ZFHX3: variants seen among roughly 807,000 people sequenced by gnomAD.
ZFHX3 encodes the protein zinc finger homeobox 3, also known as zinc finger homeobox protein 3.
ZFHX3 carries 42 observed loss-of-function variants against 279.1 expected under a neutral mutation model. The observed-to-expected ratio is 0.15, with a 90% CI of 0.12 to 0.19. The LOEUF (loss-of-function observed/expected upper bound fraction) is 0.19, where lower values mean the gene tolerates loss of function less well. ZFHX3 is among the 10% of genes least tolerant of loss of function. The pLI, the probability that ZFHX3 is intolerant of heterozygous loss-of-function variation, is 1.00. For synonymous variants in ZFHX3, 2,293 were observed against 1,957.8 expected (o/e 1.17, Z -4.52); for missense variants, 4,981 against 4,754.0 (o/e 1.05, Z -1.40).
intron 4 of ZFHX3, among the ~76,000 whole-genome samples, chr16:72,867,731 A>C (rs2038056541): frequency 6.7e-6 from 1 of 149,894 alleles, no homozygotes; most frequent in African/African-American, 2.4e-5. Context: ...GGGAAAAAAA[A>C]AAAAAGAAGA....
At chr16:72,801,816 T>C (rs1338239915) in intron 7 of ZFHX3, among the ~76,000 whole-genome samples, 3 of 151,940 alleles carry the variant, frequency 2.0e-5, no homozygotes, top group Admixed American at 6.6e-5. Flanking sequence ...ACTAGTGTGG[T>C]TGGGGAGTCC....
At position 73,047,807 on chromosome 16, in the gene ZFHX3, G is replaced by A. The variant is rs1965354063; in HGVS notation, c.-105C>T. 6.6e-6 allele frequency: 1 copy of A among 152,444 alleles called. No individual in the cohort carries two copies. Among genetic ancestry groups the A allele is most frequent in the Non-Finnish European group, 1.5e-5 (1 of 68,246 alleles). The allele number at this position is 152,444 out of a possible 1,614,324, so 9.4% of individuals were successfully genotyped here. A position where few individuals can be genotyped will look rare whatever the true frequency, so the allele number is the denominator to read the frequency against. Reference sequence around the variant, plus strand: ...AGGGAGGCGGCACTTGCAGGTCCGGGGGCCGCGCCGCCATGCGCAACAACG... The same window carrying A: ...AGGGAGGCGGCACTTGCAGGTCCGGAGGCCGCGCCGCCATGCGCAACAACG... On this transcript the variant is annotated 5_prime_UTR_variant, in exon 1 of 10. Transcript: ENST00000268489.
At chr16:72,831,378 G>A (rs144333776) in intron 4 of ZFHX3, among the ~76,000 whole-genome samples, 2,093 of 152,138 alleles carry the variant, frequency 0.014, 18 homozygotes, top group Middle Eastern at 0.031. Context: ...ATACGGTACT[G>A]TTTATTTTCA....
chr16:73,119,526 C>T (rs1597163612), intron 7 of ZFHX3, among the ~76,000 whole-genome samples: 1 of 152,144 alleles, frequency 6.6e-6, no homozygotes. Flanking sequence ...GGAAGGAGGG[C>T]TCTGGGCCCT....
At chr16:73,773,279 C>A (rs914381881) in intron 1 of ZFHX3, among the ~76,000 whole-genome samples, 1 of 152,238 alleles carries the variant, frequency 6.6e-6, no homozygotes, top group Admixed American at 6.5e-5. Context: ...CCACCCCAGG[C>A]AGCTGTGTCC....
At chr16:73,587,818 TAC>T (rs2051943429) in intron 2 of ZFHX3, among the ~76,000 whole-genome samples, 1 of 152,232 alleles carries the variant, frequency 6.6e-6, no homozygotes, top group Non-Finnish European at 1.5e-5. Flanking sequence ...GCTAATTGCA[TAC>T]ATTTTAAATA....
intron 3 of ZFHX3, among the ~76,000 whole-genome samples, chr16:73,333,725 C>T (rs1484161990): frequency 7.0e-6 from 1 of 141,996 alleles, no homozygotes; most frequent in Non-Finnish European, 1.5e-5. Flanking sequence ...GATGTGAGAT[C>T]TGCTTCAAAC....
intron 1 of ZFHX3, among the ~76,000 whole-genome samples, chr16:73,702,497 G>A (rs1367073377): frequency 1.3e-5 from 2 of 152,098 alleles, no homozygotes; most frequent in Non-Finnish European, 2.9e-5. Flanking sequence ...AACCTTCCTC[G>A]AAACTGACAT....
chr16:73,116,499 G>A (rs2144803967), intron 7 of ZFHX3, among the ~76,000 whole-genome samples: 1 of 152,302 alleles, frequency 6.6e-6, no homozygotes, highest in East Asian at 1.9e-4. Flanking sequence ...CAGACTCCAG[G>A]CTGGGAAGCT....
intron 7 of ZFHX3, among the ~76,000 whole-genome samples, chr16:73,100,274 A>G (rs1966214491): frequency 6.6e-6 from 1 of 152,204 alleles, no homozygotes; most frequent in Non-Finnish European, 1.5e-5. Context: ...GATGACCCTG[A>G]CATACTCTAG....
chr16:73,493,326 TA>T (rs1029259086), intron 2 of ZFHX3, among the ~76,000 whole-genome samples: 1 of 152,192 alleles, frequency 6.6e-6, no homozygotes. Context: ...TTTTTCTCAT[TA>T]TTCTTTTTTT....
intron 2 of ZFHX3, among the ~76,000 whole-genome samples, chr16:73,553,295 T>C (rs566555412): frequency 4.6e-5 from 7 of 152,270 alleles, no homozygotes; most frequent in African/African-American, 1.7e-4. Flanking sequence ...AAATGGCTCA[T>C]TGAACTTCAT....
intron 1 of ZFHX3, among the ~76,000 whole-genome samples, chr16:73,748,669 T>C (rs1364900491): frequency 6.6e-6 from 1 of 152,250 alleles, no homozygotes; most frequent in Non-Finnish European, 1.5e-5. Flanking sequence ...TAGCTAGCTT[T>C]TCTAAAATCA....
At chr16:73,760,287 C>A (rs974494519) in intron 1 of ZFHX3, among the ~76,000 whole-genome samples, 1 of 152,088 alleles carries the variant, frequency 6.6e-6, no homozygotes, top group African/African-American at 2.4e-5. Context: ...GAAATTGAGG[C>A]AGTAATAAAT....
chr16:73,569,003 T>A (rs1280656907), intron 2 of ZFHX3, among the ~76,000 whole-genome samples: 1 of 152,082 alleles, frequency 6.6e-6, no homozygotes, highest in Non-Finnish European at 1.5e-5. Context: ...TTCATCTGAT[T>A]CGCATGGGTC....
chr16:73,346,520 G>T (rs1273612406), intron 3 of ZFHX3, among the ~76,000 whole-genome samples: 1 of 152,204 alleles, frequency 6.6e-6, no homozygotes, highest in East Asian at 1.9e-4. Context: ...CATCCAGGCT[G>T]GAGTGCAGAG....
At chr16:73,239,950 T>A (rs1164133599) in intron 5 of ZFHX3, among the ~76,000 whole-genome samples, 4 of 152,136 alleles carry the variant, frequency 2.6e-5, no homozygotes, top group Non-Finnish European at 5.9e-5. Flanking sequence ...CTGGTCACAA[T>A]GTTTTCATCA....
intron 1 of ZFHX3, among the ~76,000 whole-genome samples, chr16:73,787,839 G>C (rs1444877711): frequency 6.9e-6 from 1 of 144,956 alleles, no homozygotes; most frequent in Non-Finnish European, 1.5e-5. Flanking sequence ...GTGTGTGTGT[G>C]TGTGTGTGTG....
rs56199536 is a variant in ZFHX3, at chr16:73,308,224, CATATATATATATATATATATATAT to C, written c.-1194+9992_-1194+10015del. On this transcript the variant is annotated intron_variant, in intron 4 of 17. Transcript: ENST00000641206. ...TTGAGTTATCTGAGCCATATGCATG[CATATATATATATATATATATATAT>C]ATATATATATATATATATATATATA... 6.1e-3 allele frequency among the ~76,000 whole-genome samples: 661 copies of C among 108,722 alleles called. 15 individuals are homozygous for C. Among genetic ancestry groups the C allele is most frequent in the African/African-American group, 0.022 (542 of 24,358 alleles). 71.3% of individuals were successfully genotyped at this position (108,722 alleles called of 152,430 possible).
Sources: allele counts gnomAD v4.1 joint callset (sites outside exome capture counted in the v4.1 genomes callset), GRCh38; gene constraint gnomAD v4.1.1; transcripts MANE v1.5; gene names NCBI Gene and HGNC (gene_info 2026-07-23, HGNC 2026-07-21).